The following ZC3H18 variants were observed in gnomAD, a reference collection of about 807,000 sequenced individuals.
The protein encoded by ZC3H18 is zinc finger CCCH domain-containing protein 18.
In ZC3H18, 8 loss-of-function variants were observed where a neutral mutation model predicts 106.1. The ratio of observed to expected loss-of-function variants is 0.08; its 90% confidence interval spans 0.04 to 0.14. ZC3H18 has a LOEUF of 0.14. Ranked by LOEUF, ZC3H18 falls within the 10% of genes least tolerant of loss-of-function variation. The probability of loss-of-function intolerance (pLI) is 1.00; values close to 1 mark genes in which losing one functional copy is unlikely to be tolerated. For synonymous variants in ZC3H18, 635 were observed against 522.1 expected, an observed-to-expected ratio of 1.22 and a Z score of -2.95; for missense variants, 1,318 against 1,278.4, an observed-to-expected ratio of 1.03 and a Z score of -0.47.
intron 16 of ZC3H18, 138 bp downstream of exon 16, chr16:88,628,992 C>T (rs1284665784): frequency 2.2e-5 from 17 of 764,088 alleles, no homozygotes; most frequent in East Asian, 5.3e-5. Context: ...TGATGCCTGT[C>T]GGTATTTAGG....
At chr16:88,590,098 C>T (rs1050087617) in intron 3 of ZC3H18, among the ~76,000 whole-genome samples, 12 of 152,136 alleles carry the variant, frequency 7.9e-5, no homozygotes, top group African/African-American at 2.7e-4. Flanking sequence ...GCCTGGGCAA[C>T]ATTGCAAGAG....
Position 88,625,221 on chromosome 16 carries a change from G to T in ZC3H18, c.2062G>T (p.Gly688Cys), listed in dbSNP as rs1255160176. The change falls in exon 13 of 18, where the codon GGC becomes TGC. Residue 688 changes from glycine to cysteine, a missense_variant. By Grantham distance (159) the Gly-to-Cys change is radical. Transcript: ENST00000301011. Reference sequence around the variant, plus strand: ...TTACAGGCGGACGCTAAGCGGCAGCGGCAGTGGCAGTGGTAGCAGCTATAG... The same window carrying T: ...TTACAGGCGGACGCTAAGCGGCAGCTGCAGTGGCAGTGGTAGCAGCTATAG... ...PPRRRTLSGSGSGSGSSYSGS... is the reference protein window; with the variant it reads ...PPRRRTLSGSCSGSGSSYSGS... 1 of 1,590,762 alleles carries T rather than the reference G, an allele frequency of 6.3e-7. No individual in the cohort carries two copies. Among genetic ancestry groups the T allele is most frequent in the South Asian group, 1.1e-5 (1 of 87,266 alleles).
rs1047309750 is a variant in ZC3H18 at position 88,625,078 on chromosome 16, C to T, written c.2043-124C>T. 1.8e-5 allele frequency: 21 copies of T among 1,159,978 alleles called. No homozygotes were observed. In the Admixed American group the frequency reaches 3.2e-4, roughly 18 times the overall value. 71.9% of individuals were successfully genotyped at this position (1,159,978 alleles called of 1,614,324 possible). ...GCCTAAAGGAAGACAGGCCCAGGCC[C>T]TGTTCCAAGGTGGTAGCAAGGCCAG... On this transcript the variant is annotated intron_variant, in intron 12 of 17. Transcript: ENST00000301011.
chr16:88,628,954 A>G, intron 16 of ZC3H18, 100 bp downstream of exon 16: 1 of 1,211,958 alleles, frequency 8.3e-7, no homozygotes, highest in South Asian at 1.3e-5. Flanking sequence ...AAGTAGGAGG[A>G]GGGTCCAGAG....
chr16:88,624,762 C>T lies in ZC3H18; in HGVS notation c.2042+17C>T, dbSNP rs776956552. On this transcript the variant is annotated intron_variant, in intron 12 of 17. Transcript: ENST00000301011. ...CCCCAGGAGGTGAGCACTCCGGCGT[C>T]CGGGGCCCTCAGGCTTTCCGTGTTC... 1.1e-5 allele frequency: 18 copies of T among 1,601,352 alleles called. No homozygotes were observed. In the South Asian group the frequency reaches 1.3e-4, roughly 12 times the overall value.
intron 6 of ZC3H18, among the ~76,000 whole-genome samples, chr16:88,604,356 A>G (rs1460452872): frequency 6.6e-6 from 1 of 151,606 alleles, no homozygotes; most frequent in Non-Finnish European, 1.5e-5. Context: ...TTCTCCAAAA[A>G]AAAAAAAAAA....
At chr16:88,630,217 G>C (rs1906575251) in intron 16 of ZC3H18, 1 of 421,120 alleles carries the variant, frequency 2.4e-6, no homozygotes, top group South Asian at 4.9e-5. Context: ...TTCAAAGCTA[G>C]GAAGGAGTTT....
At chr16:88,608,109 G>A (rs532116467) in intron 6 of ZC3H18, among the ~76,000 whole-genome samples, 4 of 152,164 alleles carry the variant, frequency 2.6e-5, no homozygotes, top group East Asian at 1.9e-4. Context: ...AAGTCTCTGG[G>A]TTTTTCATGT....
chr16:88,594,306 A>G (rs758138971), intron 3 of ZC3H18, among the ~76,000 whole-genome samples: 7 of 149,500 alleles, frequency 4.7e-5, no homozygotes, highest in Non-Finnish European at 8.8e-5. Context: ...ATAATGAGAT[A>G]TCTTTAAGTG....
Position 88,627,486 on chromosome 16 carries a change from G to A in ZC3H18, c.2109-136G>A. ...CTTTGTAACCCTGAAACTGCCCAGT[G>A]TCCCCCCAAAATCACACATTCCGTG... On this transcript the variant is annotated intron_variant, in intron 13 of 17. Transcript: ENST00000301011. This position sits in a 1 kb window ranked among gnomAD's most constrained non-coding sequence, Gnocchi z 4.5. 1 of 1,245,276 alleles carries A rather than the reference G, an allele frequency of 8.0e-7. No homozygotes were observed. 77.1% of individuals were successfully genotyped at this position (1,245,276 alleles called of 1,614,324 possible). A position where few individuals can be genotyped will look rare whatever the true frequency, so the allele number is the denominator to read the frequency against.
At chr16:88,630,322 C>T in intron 16 of ZC3H18, 163 bp from the exon 17 acceptor site, 1 of 588,980 alleles carries the variant, frequency 1.7e-6, no homozygotes, top group East Asian at 2.9e-5. Flanking sequence ...CCACATCTCT[C>T]TTCTCCTACT....
intron 2 of ZC3H18, among the ~76,000 whole-genome samples, chr16:88,578,277 C>T (rs1377433962): frequency 6.6e-6 from 1 of 152,194 alleles, no homozygotes; most frequent in Non-Finnish European, 1.5e-5. Context: ...CTGTGGTGGG[C>T]ACCTCAACTT....
intron 8 of ZC3H18, 137 bp from the exon 9 acceptor site, chr16:88,622,060 C>A: frequency 9.2e-7 from 1 of 1,092,588 alleles, no homozygotes; most frequent in Non-Finnish European, 1.3e-6. Context: ...CTTTTTTCCC[C>A]TTAGGACCCT....
intron 4 of ZC3H18, 106 bp downstream of exon 4, chr16:88,598,432 C>A: frequency 6.6e-7 from 1 of 1,508,074 alleles, no homozygotes; most frequent in Non-Finnish European, 8.9e-7. Flanking sequence ...CTCAGTGCCC[C>A]CTTTCGGCTG....
chr16:88,586,646 A>G lies in ZC3H18; in HGVS notation c.650A>G (p.Lys217Arg). 4 of 1,614,214 alleles carry G rather than the reference A, an allele frequency of 2.5e-6. No individual in the cohort carries two copies. The highest frequency in any genetic ancestry group is 3.4e-6 in the Non-Finnish European group (4 of 1,180,032). The change falls in exon 3 of 18, where the codon AAG becomes AGG. Residue 217 changes from lysine (K) to arginine (R), a missense_variant. This residue lies in a region of ZC3H18 where 30 missense variants were observed against 63.3 expected (regional missense o/e 0.47). Coordinates refer to ENST00000301011, the MANE Select transcript of ZC3H18 (RefSeq NM_144604.4). ...EGEVKDPSDR[K>R]VRPRPTCRFF... is the part of the protein sequence containing the mutation. ...GAAGTGAAGGACCCCAGTGACAGGA[A>G]GGTGAGGCCTCGTCCCACCTGCCGG...
At chr16:88,582,206 T>G (rs555020000) in intron 2 of ZC3H18, among the ~76,000 whole-genome samples, 17 of 144,088 alleles carry the variant, frequency 1.2e-4, no homozygotes, top group African/African-American at 4.3e-4. Context: ...AATCCACCTT[T>G]CCTTTTTCTT....
At chr16:88,617,328 C>G (rs1435752926) in intron 8 of ZC3H18, among the ~76,000 whole-genome samples, 1 of 152,184 alleles carries the variant, frequency 6.6e-6, no homozygotes, top group Non-Finnish European at 1.5e-5. Flanking sequence ...GCCGCTCTCT[C>G]CGTCCTAGTT....
rs529675107 is a variant in ZC3H18 at position 88,608,779 on chromosome 16, T to G, written c.1089-155T>G. 94 of 581,078 alleles carry G rather than the reference T, an allele frequency of 1.6e-4. 2 individuals carry two copies. In the South Asian group the frequency reaches 2.1e-3, roughly 13 times the overall value. The allele number at this position is 581,078 out of a possible 1,614,324, so 36.0% of individuals were successfully genotyped here. A position where few individuals can be genotyped will look rare whatever the true frequency, so the allele number is the denominator to read the frequency against. On this transcript the variant is annotated intron_variant, in intron 6 of 17. Coordinates refer to ENST00000301011, the MANE Select transcript of ZC3H18 (RefSeq NM_144604.4). ...TTCTGGCCTGCTCTTAGATGTAGTT[T>G]GTGAACAGATTTCCTAACCTTGAGC... is the stretch of plus-strand genomic sequence containing the variant.
At position 88,577,097 on chromosome 16, in the gene ZC3H18, C is replaced by A; in HGVS notation, c.-14-13C>A. ...TTGCTAAAGGCTGTCAATCTGTATT[C>A]TCTCTTTTGCAGAACCGTGGGTACC... On this transcript the variant is annotated splice_polypyrimidine_tract_variant and intron_variant, in intron 1 of 17. Coordinates refer to ENST00000301011, the MANE Select transcript of ZC3H18 (RefSeq NM_144604.4). 6.6e-7 allele frequency: 1 copy of A among 1,509,142 alleles called. No individual in the cohort carries two copies. 93.5% of individuals were successfully genotyped at this position (1,509,142 alleles called of 1,614,324 possible).
Sources: allele counts gnomAD v4.1 joint callset (sites outside exome capture counted in the v4.1 genomes callset), GRCh38; gene constraint gnomAD v4.1.1; regional missense constraint gnomAD v4.1.1; non-coding constraint Gnocchi (gnomAD v3.1); transcripts MANE v1.5; gene names NCBI Gene and HGNC (gene_info 2026-07-23, HGNC 2026-07-21).